Variants in CLASP1 observed in about 807,000 individuals in gnomAD.
The protein encoded by CLASP1 is CLIP-associating protein 1.
Under a neutral mutation model 192.3 loss-of-function variants are expected in CLASP1, and 38 were observed. The ratio of observed to expected loss-of-function variants is 0.20; its 90% CI spans 0.15 to 0.26. The LOEUF is 0.26. Among genes scored for constraint, CLASP1 ranks in the 10% least tolerant of loss-of-function variants. The pLI is 1.00. For synonymous variants in CLASP1, 691 were observed against 712.8 expected (o/e 0.97, Z 0.49); for missense variants, 1,433 against 1,932.5 (o/e 0.74, Z 4.85).
intron 35 of CLASP1, among the ~76,000 whole-genome samples, chr2:121,366,317 ACTGT>A (rs1172010429): frequency 6.6e-6 from 1 of 152,216 alleles, no homozygotes; most frequent in Non-Finnish European, 1.5e-5. Flanking sequence ...CTAATAGCTC[ACTGT>A]CCAGTAAACA....
At chr2:121,350,538 G>A (rs369541676) in intron 37 of CLASP1, among the ~76,000 whole-genome samples, 57 of 152,274 alleles carry the variant, frequency 3.7e-4, no homozygotes, top group African/African-American at 1.3e-3. Context: ...GAAGACGCTC[G>A]GCTTCACCTT....
intron 8 of CLASP1, chr2:121,470,779 C>A: frequency 3.0e-6 from 1 of 335,852 alleles, no homozygotes; most frequent in Non-Finnish European, 5.7e-6. Flanking sequence ...TATAAATGTA[C>A]ATTTCTCCTA....
chr2:121,629,366 G>C (rs1449923183), intron 1 of CLASP1, among the ~76,000 whole-genome samples: 2 of 151,170 alleles, frequency 1.3e-5, no homozygotes, highest in African/African-American at 2.4e-5. Context: ...CTCCAGCCTG[G>C]GTGATAAAGC....
exon 22 of CLASP1, chr2:121,425,232 C>A (rs2080187721): frequency 1.2e-6 from 2 of 1,613,502 alleles, no homozygotes; most frequent in African/African-American, 2.7e-5. Flanking sequence ...ACAGGTGGGC[C>A]TCGTGAGGAG....
chr2:121,479,588 G>A (rs2092417318), intron 8 of CLASP1, among the ~76,000 whole-genome samples: 1 of 152,128 alleles, frequency 6.6e-6, no homozygotes, highest in Non-Finnish European at 1.5e-5. Flanking sequence ...AACCGAAGTT[G>A]GATAAATAGA....
At chr2:121,413,935 T>C (rs1158320166) in intron 23 of CLASP1, among the ~76,000 whole-genome samples, 2 of 152,116 alleles carry the variant, frequency 1.3e-5, no homozygotes, top group African/African-American at 4.8e-5. Flanking sequence ...GGAGAAACGA[T>C]GTTGTCAAAC....
chr2:121,544,844 AG>A (rs1178014703), intron 2 of CLASP1, among the ~76,000 whole-genome samples: 7 of 152,202 alleles, frequency 4.6e-5, no homozygotes, highest in Admixed American at 2.6e-4. Context: ...TGATGGCAAA[AG>A]GGATTCTCAG....
chr2:121,451,082 C>T, intron 15 of CLASP1, 92 bp from the exon 16 acceptor site: 1 of 889,938 alleles, frequency 1.1e-6, no homozygotes, highest in Admixed American at 2.0e-5. Flanking sequence ...CAAATGGCAA[C>T]ATGGAGCTGG....
At chr2:121,538,760 G>A (rs1214808390) in intron 2 of CLASP1, among the ~76,000 whole-genome samples, 1 of 151,568 alleles carries the variant, frequency 6.6e-6, no homozygotes, top group Non-Finnish European at 1.5e-5. Flanking sequence ...ACTCCAGCCT[G>A]GGCGACAGAG....
intron 32 of CLASP1, among the ~76,000 whole-genome samples, chr2:121,383,253 C>T (rs2072215723): frequency 6.6e-6 from 1 of 152,222 alleles, no homozygotes; most frequent in Admixed American, 6.5e-5. Flanking sequence ...CATTCACTGG[C>T]ATCGTCACAG....
intron 2 of CLASP1, among the ~76,000 whole-genome samples, chr2:121,531,866 C>CA (rs11376040): frequency 0.27 from 37,860 of 142,318 alleles, 7,267 homozygotes; most frequent in African/African-American, 0.55. Flanking sequence ...GACTCGGTCT[C>CA]AAAAAAAAAA....
chr2:121,610,365 GT>G (rs1332354978), intron 1 of CLASP1, among the ~76,000 whole-genome samples: 4 of 150,232 alleles, frequency 2.7e-5, no homozygotes, highest in Non-Finnish European at 5.9e-5. Context: ...AGGAGGAAGA[GT>G]TACAGGAGGA....
chr2:121,631,839 C>T (rs1439631944), intron 1 of CLASP1, among the ~76,000 whole-genome samples: 1 of 151,720 alleles, frequency 6.6e-6, no homozygotes, highest in African/African-American at 2.4e-5. Flanking sequence ...CTGAGGTCAA[C>T]AGTTCGAGAC....
intron 35 of CLASP1, among the ~76,000 whole-genome samples, chr2:121,366,474 C>A (rs1244317318): frequency 6.6e-6 from 1 of 152,256 alleles, no homozygotes; most frequent in African/African-American, 2.4e-5. Context: ...ACTGTCTGAT[C>A]CCTGCAAGAG....
At chr2:121,354,766 C>T (rs990364448) in intron 37 of CLASP1, among the ~76,000 whole-genome samples, 2 of 152,054 alleles carry the variant, frequency 1.3e-5, no homozygotes, top group African/African-American at 4.8e-5. Context: ...ATCTGAGGTC[C>T]CCTGGGAGGT....
chr2:121,507,264 T>C (rs1389222722), intron 7 of CLASP1, among the ~76,000 whole-genome samples: 2 of 152,026 alleles, frequency 1.3e-5, no homozygotes, highest in African/African-American at 2.4e-5. Context: ...AAAAGAACCA[T>C]ACAGAAATTC....
At chr2:121,608,876 A>G (rs1257189706) in intron 1 of CLASP1, among the ~76,000 whole-genome samples, 1 of 152,280 alleles carries the variant, frequency 6.6e-6, no homozygotes, top group Non-Finnish European at 1.5e-5. Context: ...CTAACCAATA[A>G]TAATAATAAT....
chr2:121,350,763 A>T (rs1558824933), intron 37 of CLASP1, among the ~76,000 whole-genome samples: 2 of 152,162 alleles, frequency 1.3e-5, no homozygotes, highest in Non-Finnish European at 2.9e-5. Context: ...GGCTACTCAC[A>T]CCCACTACCT....
chr2:121,354,654 T>A (rs1366136781), intron 37 of CLASP1, among the ~76,000 whole-genome samples: 1 of 143,622 alleles, frequency 7.0e-6, no homozygotes, highest in African/African-American at 3.0e-5. Flanking sequence ...AAGGAACTTT[T>A]AGGCCTCTGT....
Sources: gnomAD v4.1 joint callset for allele counts (sites outside exome capture counted in the v4.1 genomes callset) on GRCh38, gnomAD v4.1.1 for gene constraint, MANE v1.5 for transcripts, NCBI Gene and HGNC (gene_info 2026-07-23, HGNC 2026-07-21) for gene names.